ZNF462: variants seen among roughly 807,000 people sequenced by gnomAD.
ZNF462 encodes the protein zinc finger protein 462.
A neutral mutation model predicts 201.9 loss-of-function variants in ZNF462; 10 were observed. That is an observed-to-expected ratio of 0.05 (90% CI 0.03 to 0.08). ZNF462 has a LOEUF of 0.08. Ranked by LOEUF, ZNF462 falls within the 10% of genes least tolerant of loss-of-function variation. ZNF462 has a pLI of 1.00. For synonymous variants in ZNF462, 1,227 were observed against 1,193.3 expected (o/e 1.03, Z -0.58); for missense variants, 2,523 against 3,168.3 (o/e 0.80, Z 4.89).
intron 7 of ZNF462, among the ~76,000 whole-genome samples, chr9:106,964,528 G>A (rs1353872913): frequency 6.6e-6 from 1 of 152,002 alleles, no homozygotes; most frequent in Non-Finnish European, 1.5e-5. Flanking sequence ...CACCTACACT[G>A]CGTTGTGTGT....
chr9:106,873,892 G>A (rs1390811122), intron 1 of ZNF462, among the ~76,000 whole-genome samples: 1 of 152,146 alleles, frequency 6.6e-6, no homozygotes, highest in Non-Finnish European at 1.5e-5. Flanking sequence ...GAAACTAGTG[G>A]TGGTTTTATA....
At chr9:106,887,670 TCTTTC>T in intron 1 of ZNF462, among the ~76,000 whole-genome samples, 1 of 152,344 alleles carries the variant, frequency 6.6e-6, no homozygotes, top group Admixed American at 6.5e-5. Context: ...TACATCTATT[TCTTTC>T]CTTTCTCTCC....
rs1421857146 is a variant in ZNF462 at position 106,923,737 on chromosome 9, G to A, written c.220+134G>A. On this transcript the variant is annotated intron_variant, in intron 2 of 12. Coordinates refer to ENST00000277225, the MANE Select transcript of ZNF462 (RefSeq NM_021224.6). This position sits in a 1 kb window ranked among gnomAD's most constrained non-coding sequence, Gnocchi z 5.6. ...GCTTTGCTAGCCATTTTTGTGGTTTGGGCATCATGTATCTCTCCTTGAGTA... is the reference window on the plus strand; with the variant it reads ...GCTTTGCTAGCCATTTTTGTGGTTTAGGCATCATGTATCTCTCCTTGAGTA... 1.1e-5 allele frequency: 9 copies of A among 847,866 alleles called. No homozygotes were observed. The highest frequency in any genetic ancestry group is 3.6e-6 in the Non-Finnish European group (2 of 549,750). 52.5% of individuals were successfully genotyped at this position (847,866 alleles called of 1,614,324 possible). A position where few individuals can be genotyped will look rare whatever the true frequency, so the allele number is the denominator to read the frequency against.
At position 106,993,739 on chromosome 9, in the gene ZNF462, T is replaced by C. The variant is rs1828471939; in HGVS notation, c.7056+9330T>C. 6.6e-6 allele frequency among the ~76,000 whole-genome samples: 1 copy of C among 151,970 alleles called. No homozygotes were observed. The highest frequency in any genetic ancestry group is 2.4e-5 in the African/African-American group (1 of 41,380). ...CTTTATTAGCAATACTGTTGAAAGA[T>C]GAAGACAACATTTTTTCTTTTTTGA... On this transcript the variant is annotated intron_variant, in intron 10 of 12. Transcript: ENST00000277225. The surrounding 1 kb of genome is among the most constrained non-coding windows in gnomAD (Gnocchi z 4.0).
chr9:106,894,761 G>A (rs1281309515), intron 1 of ZNF462, among the ~76,000 whole-genome samples: 1 of 152,098 alleles, frequency 6.6e-6, no homozygotes, highest in Non-Finnish European at 1.5e-5. Flanking sequence ...GGTGCTGTAA[G>A]TCTAAAATAA....
chr9:106,971,280 A>G (rs1826592046), intron 7 of ZNF462, among the ~76,000 whole-genome samples: 2 of 151,658 alleles, frequency 1.3e-5, no homozygotes, highest in Admixed American at 1.3e-4. Flanking sequence ...TCTCGTGTAG[A>G]CGCCTGTGTA....
In ZNF462 at chr9:106,883,771, C is replaced by T. The variant is rs191241523; in HGVS notation, c.-31+20416C>T. Among the ~76,000 whole-genome samples, 2 of 152,268 alleles carry T rather than the reference C, an allele frequency of 1.3e-5. No homozygotes were observed. Among genetic ancestry groups the T allele is most frequent in the Admixed American group, 1.3e-4 (2 of 15,294 alleles). ...GCTTATTTATCCTTCTACCTGGAATCAGCAGCCCTGGCTTGTTCATTTAGA... is the reference window on the plus strand; with the variant it reads ...GCTTATTTATCCTTCTACCTGGAATTAGCAGCCCTGGCTTGTTCATTTAGA... On this transcript the variant is annotated intron_variant, in intron 1 of 12. Coordinates refer to ENST00000277225, the MANE Select transcript of ZNF462 (RefSeq NM_021224.6). The surrounding 1 kb of genome is among the most constrained non-coding windows in gnomAD (Gnocchi z 4.9).
Position 106,984,058 on chromosome 9 carries a change from T to C in ZNF462, c.6833-128T>C. Reference sequence around the variant, plus strand: ...AGGGGAGGGGCAGGGTGCATGTGTGTCAGTTCAAGGAACCAGATCCACGAG... The same window carrying C: ...AGGGGAGGGGCAGGGTGCATGTGTGCCAGTTCAAGGAACCAGATCCACGAG... On this transcript the variant is annotated intron_variant, in intron 9 of 12. Coordinates refer to ENST00000277225, the MANE Select transcript of ZNF462 (RefSeq NM_021224.6). The surrounding 1 kb of genome is among the most constrained non-coding windows in gnomAD (Gnocchi z 6.4). The C allele has an allele frequency of 1.3e-6, 1 of 783,542 alleles. No individual in the cohort carries two copies. The highest frequency in any genetic ancestry group is 1.8e-5 in the South Asian group (1 of 55,614). The allele number at this position is 783,542 out of a possible 1,614,324, so 48.5% of individuals were successfully genotyped here.
At chr9:107,004,896 A>G (rs1192348827) in intron 11 of ZNF462, among the ~76,000 whole-genome samples, 1 of 152,016 alleles carries the variant, frequency 6.6e-6, no homozygotes, top group Non-Finnish European at 1.5e-5. Flanking sequence ...GGTAACCACC[A>G]TTCTACTATC....
At chr9:106,992,722 A>G (rs1828379578) in intron 10 of ZNF462, among the ~76,000 whole-genome samples, 2 of 152,226 alleles carry the variant, frequency 1.3e-5, no homozygotes, top group South Asian at 4.1e-4. Context: ...GGCCTGGAAG[A>G]TGGGAGCAGG....
chr9:106,974,319 A>C lies in ZNF462; in HGVS notation c.6832+46A>C, dbSNP rs1334267787. The C allele has an allele frequency of 1.2e-6, 2 of 1,613,858 alleles. No homozygotes were observed. Among genetic ancestry groups the C allele is most frequent in the Non-Finnish European group, 1.7e-6 (2 of 1,179,760 alleles). On this transcript the variant is annotated intron_variant, in intron 9 of 12. Transcript: ENST00000277225. The surrounding 1 kb of genome is among the most constrained non-coding windows in gnomAD (Gnocchi z 4.0). ...TTCTTGGATGCAGCGGGGGGCAGGC[A>C]GCAGAGATGGCCTTCTAGGGATGCT...
intron 10 of ZNF462, among the ~76,000 whole-genome samples, chr9:106,989,010 A>T (rs143134099): frequency 2.0e-5 from 3 of 152,160 alleles, no homozygotes; most frequent in Non-Finnish European, 4.4e-5. Flanking sequence ...CCTCTTTGCC[A>T]GTTTTGGATA....
At chr9:106,887,402 G>A (rs1419048349) in intron 1 of ZNF462, among the ~76,000 whole-genome samples, 1 of 152,122 alleles carries the variant, frequency 6.6e-6, no homozygotes, top group African/African-American at 2.4e-5. Flanking sequence ...GTTTCACAAA[G>A]GTCATAATTT....
chr9:106,924,147 T>A lies in ZNF462; in HGVS notation c.235T>A (p.Ser79Thr). ...TTTTTCTTTAGGTCAAAATGCAACTTCATTGGGGACCGGAGGTTACTATGG... is the reference window on the plus strand; with the variant it reads ...TTTTTCTTTAGGTCAAAATGCAACTACATTGGGGACCGGAGGTTACTATGG... ...AEDLSGQNATSLGTGGYYGHS... is the reference protein window; with the variant it reads ...AEDLSGQNATTLGTGGYYGHS... The change falls in exon 3 of 13, where the codon TCA becomes ACA. Residue 79 changes from serine to threonine, a missense_variant. Physicochemically the swap from Ser to Thr is moderately conservative, Grantham distance 58. This residue lies in a region of ZNF462 where 480 missense variants were observed against 544.4 expected (regional missense o/e 0.88). Transcript: ENST00000277225. This position sits in a 1 kb window ranked among gnomAD's most constrained non-coding sequence, Gnocchi z 6.2. 4 of 1,596,888 alleles carry A rather than the reference T, an allele frequency of 2.5e-6. No individual in the cohort carries two copies. The highest frequency in any genetic ancestry group is 3.4e-6 in the Non-Finnish European group (4 of 1,174,774).
At chr9:106,946,034 C>T (rs1043480512) in intron 7 of ZNF462, among the ~76,000 whole-genome samples, 1 of 152,228 alleles carries the variant, frequency 6.6e-6, no homozygotes, top group Non-Finnish European at 1.5e-5. Flanking sequence ...GAAAACATTT[C>T]AAGTATAGGC....
intron 1 of ZNF462, among the ~76,000 whole-genome samples, chr9:106,891,799 T>G (rs1028798822): frequency 6.6e-5 from 10 of 152,178 alleles, no homozygotes; most frequent in African/African-American, 2.2e-4. Flanking sequence ...GGGTTCCCAT[T>G]GTTGATCAAG....
chr9:106,916,576 G>T (rs184856127), intron 1 of ZNF462, among the ~76,000 whole-genome samples: 11 of 152,288 alleles, frequency 7.2e-5, no homozygotes, highest in Non-Finnish European at 1.2e-4. Flanking sequence ...CTCTGGGGGG[G>T]GAGAAATCAG....
chr9:106,923,321 C>T lies in ZNF462; in HGVS notation c.-30-33C>T. ...GCTCGAGGTATGTGATTAGTGCATTCCTTAAGATGTTTTGTTCTGACTTCT... is the reference window on the plus strand; with the variant it reads ...GCTCGAGGTATGTGATTAGTGCATTTCTTAAGATGTTTTGTTCTGACTTCT... On this transcript the variant is annotated intron_variant, in intron 1 of 12. Transcript: ENST00000277225. The surrounding 1 kb of genome is among the most constrained non-coding windows in gnomAD (Gnocchi z 5.6). The T allele has an allele frequency of 6.5e-7, 1 of 1,534,832 alleles. No individual in the cohort carries two copies. The highest frequency in any genetic ancestry group is 1.1e-5 in the South Asian group (1 of 89,298).
rs1829617713 is a variant in ZNF462, at chr9:106,913,057, T to G, written c.-30-10297T>G. On this transcript the variant is annotated intron_variant, in intron 1 of 12. Coordinates refer to ENST00000277225, the MANE Select transcript of ZNF462 (RefSeq NM_021224.6). This position sits in a 1 kb window ranked among gnomAD's most constrained non-coding sequence, Gnocchi z 4.1. Reference sequence around the variant, plus strand: ...GTGATGACTCCAGGTGTCACATCAGTTCAGGGTAGCTTAGCGGTGTTATAA... The same window carrying G: ...GTGATGACTCCAGGTGTCACATCAGGTCAGGGTAGCTTAGCGGTGTTATAA... 6.6e-6 allele frequency among the ~76,000 whole-genome samples: 1 copy of G among 152,168 alleles called. No homozygotes were observed. The highest frequency in any genetic ancestry group is 2.1e-4 in the South Asian group (1 of 4,826).
Sources: allele counts gnomAD v4.1 joint callset (sites outside exome capture counted in the v4.1 genomes callset), GRCh38; gene constraint gnomAD v4.1.1; regional missense constraint gnomAD v4.1.1; non-coding constraint Gnocchi (gnomAD v3.1); transcripts MANE v1.5; gene names NCBI Gene and HGNC (gene_info 2026-07-23, HGNC 2026-07-21).